DPP10: variants seen among roughly 807,000 people sequenced by gnomAD.
The protein encoded by DPP10 is dipeptidyl peptidase like 10, also known as inactive dipeptidyl peptidase 10.
Under a neutral mutation model 120.9 loss-of-function variants are expected in DPP10, and 33 were observed. The ratio of observed to expected loss-of-function variants is 0.27; its 90% CI spans 0.21 to 0.37. The LOEUF (loss-of-function observed/expected upper bound fraction) is 0.37. Among genes scored for constraint, DPP10 ranks in the 10% least tolerant of loss-of-function variants. The pLI is 1.00. For synonymous variants in DPP10, 337 were observed against 326.1 expected, an observed-to-expected ratio of 1.03 and a Z score of -0.36; for missense variants, 816 against 942.8, an observed-to-expected ratio of 0.87 and a Z score of 1.76.
intron 1 of DPP10, among the ~76,000 whole-genome samples, chr2:114,532,296 T>TATATATATACATACACACACACAC (rs1342125338): frequency 1.3e-5 from 1 of 74,760 alleles, no homozygotes; most frequent in African/African-American, 6.6e-5. Context: ...TATATATATA[T>TATATATATACATACACACACACAC]ACACACACAC....
At position 114,637,674 on chromosome 2, in the gene DPP10, T is replaced by G. The variant is rs555197072; in HGVS notation, c.60+194836T>G. On this transcript the variant is annotated intron_variant, in intron 1 of 25. Transcript: ENST00000410059. Reference sequence around the variant, plus strand: ...GTTAATTTTTATATGTGCTGACAGGTGGGGGTCTAGTTTTATTCTCTTGCA... The same window carrying G: ...GTTAATTTTTATATGTGCTGACAGGGGGGGGTCTAGTTTTATTCTCTTGCA... Among the ~76,000 whole-genome samples, 155 of 151,974 alleles carry G rather than the reference T, an allele frequency of 1.0e-3. 3 individuals are homozygous for G. The highest frequency in any genetic ancestry group is 6.8e-3 in the Middle Eastern group (2 of 294).
At chr2:114,620,532 T>C (rs1461198730) in intron 1 of DPP10, among the ~76,000 whole-genome samples, 1 of 152,066 alleles carries the variant, frequency 6.6e-6, no homozygotes, top group African/African-American at 2.4e-5. Context: ...AAACCTATTA[T>C]AGAGTATTAT....
In DPP10 at chr2:115,334,230, G is replaced by GTTTT; in HGVS notation, c.176-9574_176-9571dup. Among the ~76,000 whole-genome samples, 184 of 56,410 alleles carry GTTTT rather than the reference G, an allele frequency of 3.3e-3. 31 individuals carry two copies. Among genetic ancestry groups the GTTTT allele is most frequent in the African/African-American group, 5.0e-3 (102 of 20,430 alleles). 37.0% of individuals were successfully genotyped at this position (56,410 alleles called of 152,430 possible). On this transcript the variant is annotated intron_variant, in intron 2 of 25. Coordinates refer to ENST00000410059, the MANE Select transcript of DPP10 (RefSeq NM_020868.6). ...TCAGGAATGGACCAGAGCAGACTCT[G>GTTTT]TTTTTTTTTTTTTTTTAAGAAACCT...
chr2:114,889,734 G>A (rs1692386692), intron 1 of DPP10, among the ~76,000 whole-genome samples: 1 of 152,124 alleles, frequency 6.6e-6, no homozygotes, highest in African/African-American at 2.4e-5. Flanking sequence ...TATTAAAAAT[G>A]ATGGATAAAA....
intron 1 of DPP10, among the ~76,000 whole-genome samples, chr2:115,286,526 A>ATATAATATATATATTACATATATAAT: frequency 1.6e-5 from 1 of 60,954 alleles, no homozygotes; most frequent in African/African-American, 5.4e-5. Context: ...ATATATATAT[A>ATATAATATATATATTACATATATAAT]ATATATATAT....
chr2:114,814,866 C>G (rs977502176), intron 1 of DPP10, among the ~76,000 whole-genome samples: 2 of 152,158 alleles, frequency 1.3e-5, no homozygotes, highest in African/African-American at 2.4e-5. Flanking sequence ...TGTTGCTGTC[C>G]AGCTGAAGAT....
chr2:115,539,176 C>G (rs1372529240), intron 5 of DPP10, among the ~76,000 whole-genome samples: 3 of 151,806 alleles, frequency 2.0e-5, no homozygotes, highest in African/African-American at 7.3e-5. Context: ...AGTCATAATT[C>G]TCAAAGATTT....
chr2:115,599,835 G>A (rs1331927307), intron 5 of DPP10, among the ~76,000 whole-genome samples: 3 of 143,452 alleles, frequency 2.1e-5, no homozygotes, highest in Non-Finnish European at 4.5e-5. Context: ...CACATATAGT[G>A]CATTGTAGCT....
chr2:114,520,910 C>T (rs749341070), intron 1 of DPP10, among the ~76,000 whole-genome samples: 53 of 152,252 alleles, frequency 3.5e-4, no homozygotes, highest in Middle Eastern at 6.8e-3. Flanking sequence ...AACAGCTTTC[C>T]GAGATAATAT....
At chr2:115,297,128 A>G (rs577521325) in intron 1 of DPP10, among the ~76,000 whole-genome samples, 1 of 152,106 alleles carries the variant, frequency 6.6e-6, no homozygotes, top group East Asian at 1.9e-4. Context: ...TATCCCCTCC[A>G]TTTTCTATGT....
At chr2:115,645,612 G>GT (rs1485478290) in intron 5 of DPP10, among the ~76,000 whole-genome samples, 2 of 152,108 alleles carry the variant, frequency 1.3e-5, no homozygotes, top group Non-Finnish European at 2.9e-5. Context: ...AAGCCATCAT[G>GT]TTATATCCCC....
intron 25 of DPP10, among the ~76,000 whole-genome samples, chr2:115,841,263 T>TA (rs1690116296): frequency 6.6e-6 from 1 of 151,988 alleles, no homozygotes; most frequent in South Asian, 2.1e-4. Context: ...AAATAGTGGA[T>TA]AAAAAATGTT....
At chr2:114,572,083 C>T (rs967508093) in intron 1 of DPP10, among the ~76,000 whole-genome samples, 2 of 151,172 alleles carry the variant, frequency 1.3e-5, no homozygotes, top group Non-Finnish European at 2.9e-5. Context: ...ATAACCACTA[C>T]CATCCAAATC....
intron 3 of DPP10, among the ~76,000 whole-genome samples, chr2:115,492,877 G>C (rs559517602): frequency 6.6e-6 from 1 of 152,248 alleles, no homozygotes; most frequent in African/African-American, 2.4e-5. Context: ...GTTCAGAAGA[G>C]AGGGATATTA....
At chr2:115,019,576 G>A (rs568502089) in intron 1 of DPP10, among the ~76,000 whole-genome samples, 1 of 152,166 alleles carries the variant, frequency 6.6e-6, no homozygotes, top group Non-Finnish European at 1.5e-5. Context: ...AAATATAAAA[G>A]TTTGGAAAAC....
intron 1 of DPP10, among the ~76,000 whole-genome samples, chr2:114,478,881 G>A (rs1014746757): frequency 6.6e-6 from 1 of 151,868 alleles, no homozygotes; most frequent in Non-Finnish European, 1.5e-5. Flanking sequence ...TACAGAATCT[G>A]TATGCTGAAA....
chr2:114,568,259 TG>T (rs1689363962), intron 1 of DPP10, among the ~76,000 whole-genome samples: 1 of 152,096 alleles, frequency 6.6e-6, no homozygotes, highest in African/African-American at 2.4e-5. Context: ...TCAGGGTATT[TG>T]GGGTATCTAC....
At chr2:115,559,422 A>T (rs2080425878) in intron 5 of DPP10, among the ~76,000 whole-genome samples, 1 of 152,180 alleles carries the variant, frequency 6.6e-6, no homozygotes, top group Admixed American at 6.5e-5. Flanking sequence ...CAGAATTATA[A>T]TTTAACAACA....
At chr2:115,290,175 A>T (rs2060595145) in intron 1 of DPP10, among the ~76,000 whole-genome samples, 1 of 152,158 alleles carries the variant, frequency 6.6e-6, no homozygotes, top group African/African-American at 2.4e-5. Flanking sequence ...TAATTTTATT[A>T]AAAGCAGGCA....
Sources: allele counts gnomAD v4.1 joint callset (sites outside exome capture counted in the v4.1 genomes callset), GRCh38; gene constraint gnomAD v4.1.1; transcripts MANE v1.5; gene names NCBI Gene and HGNC (gene_info 2026-07-23, HGNC 2026-07-21).